CACNA2D1: variants seen among roughly 807,000 people sequenced by gnomAD.
CACNA2D1 encodes calcium voltage-gated channel auxiliary subunit alpha2delta 1, also known as voltage-dependent calcium channel subunit alpha-2/delta-1.
A neutral mutation model predicts 171.5 loss-of-function variants in CACNA2D1; 53 were observed. That is an observed-to-expected ratio of 0.31 (90% CI 0.25 to 0.39). CACNA2D1 has a LOEUF of 0.39. Ranked by LOEUF, CACNA2D1 falls within the 10% of genes least tolerant of loss-of-function variation. The pLI, the probability that CACNA2D1 is intolerant of heterozygous loss-of-function variation, is 1.00. For missense variants in CACNA2D1, 903 were observed against 1,299.8 expected (o/e 0.69, Z 4.69); for synonymous variants, 442 against 443.1 (o/e 1.00, Z 0.03).
chr7:82,182,566 T>C (rs1797239343), intron 3 of CACNA2D1, among the ~76,000 whole-genome samples: 2 of 151,872 alleles, frequency 1.3e-5, no homozygotes, highest in South Asian at 4.1e-4. Flanking sequence ...TTCTGCGTTT[T>C]TTTTTTAATT....
Position 82,443,592 on chromosome 7 carries a change from C to T in CACNA2D1, c.-133G>A. On this transcript the variant is annotated 5_prime_UTR_variant, in exon 1 of 39. Transcript: ENST00000356860. ...TCTGGAGGGCTGGCTGCGCCCGGGG[C>T]CCGAGGCGCGGAGCCGCGCGGGGGA... is the stretch of plus-strand genomic sequence containing the variant. 1 of 1,419,696 alleles carries T rather than the reference C, an allele frequency of 7.0e-7. No individual in the cohort carries two copies. The highest frequency in any genetic ancestry group is 9.2e-7 in the Non-Finnish European group (1 of 1,088,432). The allele number at this position is 1,419,696 out of a possible 1,614,324, so 87.9% of individuals were successfully genotyped here.
At chr7:81,959,696 G>A (rs1793871665) in intron 37 of CACNA2D1, 24 bp downstream of exon 37, 2 of 1,604,750 alleles carry the variant, frequency 1.2e-6, no homozygotes, top group Non-Finnish European at 8.5e-7. Context: ...TTCCTTTCCA[G>A]ATAGCTCTGA....
chr7:82,299,659 C>CAA (rs76037778), intron 3 of CACNA2D1, among the ~76,000 whole-genome samples: 4 of 113,788 alleles, frequency 3.5e-5, no homozygotes, highest in Non-Finnish European at 3.7e-5. Flanking sequence ...GACTCTATCT[C>CAA]AAAAAAAAAA....
chr7:82,229,582 C>G (rs997223225), intron 3 of CACNA2D1, among the ~76,000 whole-genome samples: 1 of 152,040 alleles, frequency 6.6e-6, no homozygotes, highest in African/African-American at 2.4e-5. Flanking sequence ...CCTAGTTCAC[C>G]TCCTAGGTGA....
intron 5 of CACNA2D1, among the ~76,000 whole-genome samples, chr7:82,132,784 C>T (rs1791146460): frequency 6.6e-6 from 1 of 152,160 alleles, no homozygotes; most frequent in African/African-American, 2.4e-5. Flanking sequence ...CTCTAACAGA[C>T]AAACTGATAT....
rs189874491 is a variant in CACNA2D1 at position 82,146,328 on chromosome 7, G to A, written c.355-9652C>T. On this transcript the variant is annotated intron_variant, in intron 4 of 38. Transcript: ENST00000356860. The stretch of plus-strand genomic sequence containing the variant: ...TATATATACGTGTGTGTGTGTGTGC[G>A]TGTGTGTGTGTGTAGAAGAAATGAT... 1.1e-3 allele frequency among the ~76,000 whole-genome samples: 156 copies of A among 144,216 alleles called. 1 individual carries two copies. Among genetic ancestry groups the A allele is most frequent in the South Asian group, 5.3e-3 (24 of 4,564 alleles). 94.6% of individuals were successfully genotyped at this position (144,216 alleles called of 152,430 possible). A position where few individuals can be genotyped will look rare whatever the true frequency, so the allele number is the denominator to read the frequency against.
chr7:82,135,462 C>T (rs981445931), intron 5 of CACNA2D1, among the ~76,000 whole-genome samples: 2 of 151,960 alleles, frequency 1.3e-5, no homozygotes. Flanking sequence ...GGGAACGCCA[C>T]CTATGTCTAG....
intron 3 of CACNA2D1, among the ~76,000 whole-genome samples, chr7:82,205,891 C>T (rs1799958273): frequency 6.6e-6 from 1 of 152,028 alleles, no homozygotes; most frequent in Admixed American, 6.5e-5. Context: ...ATTACATACA[C>T]CTTTTCTAAT....
intron 11 of CACNA2D1, among the ~76,000 whole-genome samples, chr7:82,035,017 A>G (rs1254738679): frequency 6.6e-6 from 1 of 152,136 alleles, no homozygotes; most frequent in African/African-American, 2.4e-5. Flanking sequence ...AATTATCTAA[A>G]GAATCACACA....
chr7:82,021,828 G>A (rs959858413), intron 12 of CACNA2D1, among the ~76,000 whole-genome samples: 3 of 152,052 alleles, frequency 2.0e-5, no homozygotes, highest in Non-Finnish European at 2.9e-5. Context: ...GTTGACTGGG[G>A]GAAAATCCCT....
At chr7:82,431,934 A>T (rs1404568001) in intron 1 of CACNA2D1, among the ~76,000 whole-genome samples, 1 of 149,292 alleles carries the variant, frequency 6.7e-6, no homozygotes, top group East Asian at 2.0e-4. Context: ...GCTACTAGGG[A>T]GGCTGAGGCA....
chr7:82,177,068 A>ATTTT (rs1181991934), intron 3 of CACNA2D1, among the ~76,000 whole-genome samples: 14 of 55,218 alleles, frequency 2.5e-4, no homozygotes, highest in African/African-American at 6.6e-4. Context: ...ACAGGTCTCT[A>ATTTT]TTTTTTTTTT....
chr7:82,410,272 T>C (rs1291164859), intron 1 of CACNA2D1, among the ~76,000 whole-genome samples: 5 of 152,230 alleles, frequency 3.3e-5, no homozygotes, highest in African/African-American at 9.6e-5. Flanking sequence ...GGTATGTTTG[T>C]GTGATTTGAG....
At chr7:81,999,763 C>G (rs1173219690) in intron 18 of CACNA2D1, among the ~76,000 whole-genome samples, 2 of 151,980 alleles carry the variant, frequency 1.3e-5, no homozygotes, top group African/African-American at 4.8e-5. Flanking sequence ...AAGAAACATG[C>G]AAGGACAGTA....
intron 19 of CACNA2D1, among the ~76,000 whole-genome samples, chr7:81,996,931 G>C (rs1798105184): frequency 6.6e-6 from 1 of 151,996 alleles, no homozygotes; most frequent in Non-Finnish European, 1.5e-5. Flanking sequence ...GTGAAAATAT[G>C]TCTACCTTTA....
At position 82,275,312 on chromosome 7, in the gene CACNA2D1, A is replaced by G. The variant is rs566077313; in HGVS notation, c.294+59823T>C. 5.3e-5 allele frequency among the ~76,000 whole-genome samples: 8 copies of G among 152,276 alleles called. No individual in the cohort carries two copies. In the South Asian group the frequency reaches 1.7e-3, roughly 32 times the overall value. On this transcript the variant is annotated intron_variant, in intron 3 of 38. Coordinates refer to ENST00000356860, the MANE Select transcript of CACNA2D1 (RefSeq NM_000722.4). ...GTTCTCTCAAGTAATCAGAATTTCA[A>G]TACCACTCCCCTGTTTATAACTCCT...
chr7:82,243,071 A>T (rs903096527), intron 3 of CACNA2D1, among the ~76,000 whole-genome samples: 1 of 152,138 alleles, frequency 6.6e-6, no homozygotes, highest in Admixed American at 6.5e-5. Context: ...TGTTAAACAG[A>T]TATTTGCATT....
At chr7:82,033,968 C>A (rs1255853376) in intron 11 of CACNA2D1, among the ~76,000 whole-genome samples, 1 of 152,004 alleles carries the variant, frequency 6.6e-6, no homozygotes, top group East Asian at 1.9e-4. Context: ...TCATATGGAA[C>A]TTTAAATTTT....
chr7:82,424,682 T>A (rs1445137956), intron 1 of CACNA2D1, among the ~76,000 whole-genome samples: 1 of 152,222 alleles, frequency 6.6e-6, no homozygotes, highest in African/African-American at 2.4e-5. Context: ...GCAAAGAGAA[T>A]TCTTCTTTGC....
Sources: gnomAD v4.1 joint callset for allele counts (sites outside exome capture counted in the v4.1 genomes callset) on GRCh38, gnomAD v4.1.1 for gene constraint, MANE v1.5 for transcripts, NCBI Gene and HGNC (gene_info 2026-07-23, HGNC 2026-07-21) for gene names.